CPT1B: variants seen among roughly 807,000 people sequenced by gnomAD.
CPT1B encodes carnitine palmitoyltransferase 1B.
Under a neutral mutation model 92.7 loss-of-function variants are expected in CPT1B, and 57 were observed. That is an observed-to-expected ratio of 0.62 (90% confidence interval 0.50 to 0.77). The LOEUF (loss-of-function observed/expected upper bound fraction) is 0.77, where lower values mean the gene tolerates loss of function less well. Ranked by LOEUF, CPT1B falls within the 30% of genes least tolerant of loss-of-function variation. The pLI is 0.00. For missense variants in CPT1B, 983 were observed against 1,017.4 expected (o/e 0.97, Z 0.46); for synonymous variants, 398 against 383.5 (o/e 1.04, Z -0.44).
intron 13 of CPT1B, 143 bp from the exon 14 acceptor site, chr22:50,571,682 AG>A: frequency 1.1e-6 from 1 of 951,474 alleles, no homozygotes; most frequent in South Asian, 1.6e-5. Context: ...CGCAAAAGAC[AG>A]TCTGAGGGAG....
chr22:50,577,163 G>T (rs2070482374), intron 3 of CPT1B, 129 bp from the exon 4 acceptor site: 1 of 1,372,356 alleles, frequency 7.3e-7, no homozygotes, highest in Non-Finnish European at 1.0e-6. Context: ...TGCATCAAAT[G>T]AGCGGATGTA....
chr22:50,574,560 C>A lies in CPT1B; in HGVS notation c.818G>T (p.Arg273Leu), dbSNP rs777526020. The A allele has an allele frequency of 1.2e-6, 2 of 1,614,098 alleles. No individual in the cohort carries two copies. The highest frequency in any genetic ancestry group is 3.3e-5 in the Admixed American group (2 of 60,012). The change falls in exon 8 of 20, where the codon CGC becomes CTC. Residue 273 changes from arginine to leucine, a missense_variant. Transcript: ENST00000312108. ...LIKNTDVQAA[R>L]LGNIIHAMIM... ...CATGGCGTGGATGATGTTTCCCAGG[C>A]GGGCTGCCTGCACGTCTGTATTCTT...
rs750679059 is a variant in CPT1B at position 50,573,520 on chromosome 22, C to G, written c.1166G>C (p.Arg389Thr). 1.9e-5 allele frequency: 31 copies of G among 1,606,500 alleles called. No homozygotes were observed. Among genetic ancestry groups the G allele is most frequent in the Non-Finnish European group, 2.4e-5 (28 of 1,175,650 alleles). The change falls in exon 10 of 20, where the codon AGG becomes ACG. Residue 389 changes from arginine (R) to threonine (T), a missense_variant and splice_region_variant. By Grantham distance (71) the Arg-to-Thr change is moderately conservative (BLOSUM62 -1). Coordinates refer to ENST00000312108, the MANE Select transcript of CPT1B (RefSeq NM_152246.3). This position sits in a 1 kb window ranked among gnomAD's most constrained non-coding sequence, Gnocchi z 5.0. The stretch of plus-strand genomic sequence containing the variant: ...ACAGTCCCTTCCTAGAGGCCAATAC[C>G]TTCCTCCTGCAGTGAGGGCTGCCAG... ...EKLAALTAGG[R>T]VEWAQARQAF...
At position 50,573,467 on chromosome 22, in the gene CPT1B, C is replaced by T; in HGVS notation, c.1166+53G>A. ...TGGCAGGCAGGGCCACGCTCCTCTCCTCACGGAGCCCTGAACTCAGGGTGG... is the reference window on the plus strand; with the variant it reads ...TGGCAGGCAGGGCCACGCTCCTCTCTTCACGGAGCCCTGAACTCAGGGTGG... On this transcript the variant is annotated intron_variant, in intron 10 of 19. Transcript: ENST00000312108. The surrounding 1 kb of genome is among the most constrained non-coding windows in gnomAD (Gnocchi z 5.0). 2 of 1,501,366 alleles carry T rather than the reference C, an allele frequency of 1.3e-6. 1 individual carries two copies. The highest frequency in any genetic ancestry group is 2.5e-5 in the South Asian group (2 of 79,930). 93.0% of individuals were successfully genotyped at this position (1,501,366 alleles called of 1,614,324 possible).
Position 50,571,000 on chromosome 22 carries a change from T to G in CPT1B, c.1919A>C (p.His640Pro), listed in dbSNP as rs1342985929. The G allele has an allele frequency of 1.2e-6, 2 of 1,614,046 alleles. No homozygotes were observed. The change falls in exon 16 of 20, where the codon CAC (histidine) becomes CCC (proline). Residue 640 changes from histidine to proline, a missense_variant. Transcript: ENST00000312108. ...CATGGCCAGGCGGTACATATTCTGG[T>G]GCTTCTTAGCAGCCTTCTGGAAGAG... ...RDLFQKAAKK[H>P]QNMYRLAMTG... is the part of the protein sequence containing the mutation.
Position 50,571,428 on chromosome 22 carries a change from G to C in CPT1B, c.1687C>G (p.Arg563Gly), listed in dbSNP as rs757232205. Reference sequence around the variant, plus strand: ...TGCACAAAGGCATCAGGGCTGGTCCGGCACTTCTTGATGAGGCCTTTGCCA... The same window carrying C: ...TGCACAAAGGCATCAGGGCTGGTCCCGCACTTCTTGATGAGGCCTTTGCCA... ...PFGKGLIKKC[R>G]TSPDAFVQIA... Residue 563 changes from arginine (R) to glycine (G), a missense_variant, in exon 14 of 20, where the codon CGG (arginine) becomes GGG (glycine). By Grantham distance (125) the Arg-to-Gly change is moderately radical. Transcript: ENST00000312108. 1 of 1,613,874 alleles carries C rather than the reference G, an allele frequency of 6.2e-7. No homozygotes were observed. Among genetic ancestry groups the C allele is most frequent in the Non-Finnish European group, 8.5e-7 (1 of 1,180,032 alleles).
chr22:50,573,559 G>C lies in CPT1B; in HGVS notation c.1127C>G (p.Pro376Arg). Residue 376 changes from proline to arginine, a missense_variant, in exon 10 of 20, where the codon CCT becomes CGT. By Grantham distance (103) the Pro-to-Arg change is moderately radical. Coordinates refer to ENST00000312108, the MANE Select transcript of CPT1B (RefSeq NM_152246.3). The surrounding 1 kb of genome is among the most constrained non-coding windows in gnomAD (Gnocchi z 5.0). Reference sequence around the variant, plus strand: ...GAGGGCTGCCAGCTTCTCCTCCCCAGGCTGAGGTGGGGAGGGGTCGTCCAG... The same window carrying C: ...GAGGGCTGCCAGCTTCTCCTCCCCACGCTGAGGTGGGGAGGGGTCGTCCAG... ...RILDDPSPPQ[P>R]GEEKLAALTA... is the part of the protein sequence containing the mutation. The C allele has an allele frequency of 6.2e-7, 1 of 1,613,384 alleles. No homozygotes were observed. Among genetic ancestry groups the C allele is most frequent in the Non-Finnish European group, 8.5e-7 (1 of 1,179,762 alleles).
chr22:50,576,572 C>T lies in CPT1B; in HGVS notation c.525G>A (p.Lys175=). 6.2e-7 allele frequency: 1 copy of T among 1,607,762 alleles called. No homozygotes were observed. ...TGGCTGACACCCTGGGCACAGGAAG[C>T]TTGGGCAGAGATGTCTGGAAGCTGT... is the stretch of plus-strand genomic sequence containing the variant. ...MLYSFQTSLP[K]LPVPRVSATI... is the part of the protein sequence containing the mutation. The change falls in exon 5 of 20, where the codon AAG becomes AAA. Residue 175 remains lysine, a synonymous_variant. Coordinates refer to ENST00000312108, the MANE Select transcript of CPT1B (RefSeq NM_152246.3).
At chr22:50,570,511 G>A in intron 16 of CPT1B, 105 bp from the exon 17 acceptor site, 3 of 917,006 alleles carry the variant, frequency 3.3e-6, no homozygotes, top group Non-Finnish European at 4.9e-6. Context: ...TGCTGAGGGT[G>A]CAGGAGCTCC....
intron 1 of CPT1B, 68 bp from the exon 2 acceptor site, chr22:50,578,002 C>A: frequency 8.4e-7 from 1 of 1,190,764 alleles, no homozygotes; most frequent in Non-Finnish European, 1.1e-6. Context: ...CGCCGAGACG[C>A]CCCCAGCCAG....
Position 50,570,343 on chromosome 22 carries a change from C to T in CPT1B, c.2092G>A (p.Asp698Asn), listed in dbSNP as rs779790087. 10 of 1,607,926 alleles carry T rather than the reference C, an allele frequency of 6.2e-6. No individual in the cohort carries two copies. Among genetic ancestry groups the T allele is most frequent in the Non-Finnish European group, 8.5e-6 (10 of 1,176,180 alleles). ...QIPQSQIRMF[D>N]PEQHPNHLGA... is the part of the protein sequence containing the mutation. ...AGGTGATTGGGGTGCTGCTCTGGGT[C>T]GAACATGCGGATCTGGGATTGGGGG... The change falls in exon 17 of 20, where the codon GAC becomes AAC. Residue 698 changes from aspartate to asparagine, a missense_variant. Transcript: ENST00000312108.
rs781499627 is a variant in CPT1B, at chr22:50,571,212, G to C, written c.1821C>G (p.Ser607=). 8 of 1,614,008 alleles carry C rather than the reference G, an allele frequency of 5.0e-6. No homozygotes were observed. The African/African-American group carries it at 9.3e-5, about 19-fold the overall frequency. The change falls in exon 15 of 20, where the codon TCC becomes TCG. Residue 607 remains serine, a synonymous_variant. Transcript: ENST00000312108. ...FREGRTETVR[S]CTSESTAFVQ... ...CAAAGGCTGTGGACTCGCTGGTACA[G>C]GAACGCACAGTCTCAGTCCGTCCCT...
intron 13 of CPT1B, 134 bp from the exon 14 acceptor site, chr22:50,571,673 G>T: frequency 9.9e-7 from 1 of 1,010,004 alleles, no homozygotes; most frequent in Non-Finnish European, 1.5e-6. Flanking sequence ...AGGAGGGTAC[G>T]CAAAAGACAG....
rs758317970 is a variant in CPT1B, at chr22:50,576,185, G to A, written c.699+13C>T. On this transcript the variant is annotated intron_variant, in intron 6 of 19. Transcript: ENST00000312108. ...CATGGCAGGTGACAGTGAGCCCAGG[G>A]GCAGGAACTTACATAGTTACTTGCC... The A allele has an allele frequency of 5.0e-6, 8 of 1,613,944 alleles. No homozygotes were observed. Among genetic ancestry groups the A allele is most frequent in the East Asian group, 4.5e-5 (2 of 44,894 alleles).
chr22:50,572,153 GC>G, intron 12 of CPT1B, 31 bp from the exon 13 acceptor site: 1 of 1,612,164 alleles, frequency 6.2e-7, no homozygotes, highest in Non-Finnish European at 8.5e-7. Flanking sequence ...TGAGAGGCTG[GC>G]CTCATCCCCT....
intron 13 of CPT1B, 38 bp downstream of exon 13, chr22:50,571,968 T>C (rs1603443289): frequency 6.3e-7 from 1 of 1,580,748 alleles, no homozygotes; most frequent in Non-Finnish European, 8.7e-7. Context: ...ACCTGCTGCT[T>C]TGTGGTCTCA....
chr22:50,574,264 G>T, intron 9 of CPT1B, 71 bp downstream of exon 9: 3 of 1,213,154 alleles, frequency 2.5e-6, no homozygotes, highest in Non-Finnish European at 3.6e-6. Flanking sequence ...GGGGACGCTT[G>T]GTGATGAGCA....
intron 1 of CPT1B, 34 bp downstream of exon 1, chr22:50,578,352 C>CA (rs2070571228): frequency 6.5e-6 from 1 of 152,684 alleles, no homozygotes; most frequent in Non-Finnish European, 1.5e-5. Context: ...GGGCCCAGAC[C>CA]CCCGCGGGCC....
rs771429139 is a variant in CPT1B, at chr22:50,577,329, A to AG, written c.275dup (p.Gln93SerfsTer48). ...CTTCCAGTTTCACTCCTTACCCCTG[A>AG]GGGAGGCATCTCTGGATGCAACTGA... On this transcript the variant is annotated frameshift_variant, in exon 3 of 20. Transcript: ENST00000312108. LOFTEE classifies it high-confidence loss of function. 1 of 1,613,738 alleles carries AG rather than the reference A, an allele frequency of 6.2e-7. No individual in the cohort carries two copies. Among genetic ancestry groups the AG allele is most frequent in the Non-Finnish European group, 8.5e-7 (1 of 1,179,960 alleles).
Sources: gnomAD v4.1 joint callset for allele counts on GRCh38, gnomAD v4.1.1 for gene constraint, Gnocchi (gnomAD v3.1) non-coding constraint, MANE v1.5 for transcripts, NCBI Gene and HGNC (gene_info 2026-07-23, HGNC 2026-07-21) for gene names.